The following EXOC6B variants were observed in gnomAD, a reference collection of about 807,000 sequenced individuals.
EXOC6B encodes exocyst complex component 6B, also known as SEC15 homolog B.
In EXOC6B, 54 loss-of-function variants were observed where a neutral mutation model predicts 113.5. That is an observed-to-expected ratio of 0.48 (90% CI 0.38 to 0.60). EXOC6B has a LOEUF of 0.60. Among genes scored for constraint, EXOC6B ranks in the 20% least tolerant of loss-of-function variants. The pLI is 0.00. For synonymous variants in EXOC6B, 357 were observed against 339.0 expected (o/e 1.05, Z -0.58); for missense variants, 797 against 977.5 (o/e 0.82, Z 2.46).
At chr2:72,739,567 GGTTTAGAAATTTT>G (rs1681176864) in intron 2 of EXOC6B, among the ~76,000 whole-genome samples, 1 of 151,340 alleles carries the variant, frequency 6.6e-6, no homozygotes, top group Non-Finnish European at 1.5e-5. Flanking sequence ...TTTTCTTTCT[GGTTTAGAAATTTT>G]GTTTAGAAAT....
chr2:72,698,131 G>A (rs996363682), intron 6 of EXOC6B, among the ~76,000 whole-genome samples: 1 of 152,124 alleles, frequency 6.6e-6, no homozygotes, highest in Non-Finnish European at 1.5e-5. Context: ...TGGAGTCACT[G>A]GAGAGGGGAA....
rs537268167 is a variant in EXOC6B at position 72,422,277 on chromosome 2, C to T, written c.1981-42407G>A. On this transcript the variant is annotated intron_variant, in intron 18 of 21. Transcript: ENST00000272427. ...CCAGTGCGGGATCCACTAGGGGAAG[C>T]CAGCTGGGCTCCTGAGTCTGGTGGG... Among the ~76,000 whole-genome samples, 4 of 152,348 alleles carry T rather than the reference C, an allele frequency of 2.6e-5. No individual in the cohort carries two copies. The South Asian group carries it at 8.3e-4, about 32-fold the overall frequency.
chr2:72,356,802 A>G (rs1172189444), intron 19 of EXOC6B, among the ~76,000 whole-genome samples: 2 of 152,138 alleles, frequency 1.3e-5, no homozygotes, highest in Non-Finnish European at 2.9e-5. Flanking sequence ...TCAGTCATCT[A>G]TGGTCAACCA....
chr2:72,467,770 T>A (rs2105431196), intron 17 of EXOC6B, among the ~76,000 whole-genome samples: 1 of 152,046 alleles, frequency 6.6e-6, no homozygotes, highest in African/African-American at 2.4e-5. Context: ...TGCCATTCTT[T>A]TTTATTTATT....
At chr2:72,744,691 T>C (rs1395246294) in intron 1 of EXOC6B, among the ~76,000 whole-genome samples, 1 of 152,202 alleles carries the variant, frequency 6.6e-6, no homozygotes, top group East Asian at 1.9e-4. Context: ...AATATACTTC[T>C]AAGTTAAATG....
chr2:72,294,161 A>G (rs1432512302), intron 20 of EXOC6B, among the ~76,000 whole-genome samples: 3 of 152,140 alleles, frequency 2.0e-5, no homozygotes, highest in Non-Finnish European at 4.4e-5. Context: ...CAACAGATAT[A>G]AAGTACAAGT....
At chr2:72,582,168 T>C (rs77807759) in intron 6 of EXOC6B, among the ~76,000 whole-genome samples, 3,204 of 152,044 alleles carry the variant, frequency 0.021, 104 homozygotes, top group African/African-American at 0.07. Context: ...AGGGGAAATA[T>C]ATATATATGG....
chr2:72,587,445 T>A (rs924497305), intron 6 of EXOC6B, among the ~76,000 whole-genome samples: 2 of 151,688 alleles, frequency 1.3e-5, no homozygotes, highest in Non-Finnish European at 2.9e-5. Context: ...AAGAAAAGGG[T>A]TGAAAAATTA....
rs1464575636 is a variant in EXOC6B, at chr2:72,401,561, A to G, written c.1981-21691T>C. ...TATATATATGTGTATATATATATAT[A>G]TATACATATATATATATATACATAT... On this transcript the variant is annotated intron_variant, in intron 18 of 21. Transcript: ENST00000272427. 1.1e-4 allele frequency among the ~76,000 whole-genome samples: 4 copies of G among 35,422 alleles called. 2 individuals are homozygous for G. The highest frequency in any genetic ancestry group is 6.3e-4 in the African/African-American group (2 of 3,178). 23.2% of individuals were successfully genotyped at this position (35,422 alleles called of 152,430 possible).
intron 8 of EXOC6B, among the ~76,000 whole-genome samples, chr2:72,539,785 G>A (rs565824217): frequency 5.8e-4 from 88 of 151,930 alleles, no homozygotes; most frequent in African/African-American, 2.0e-3. Flanking sequence ...CTGCATATAT[G>A]ACTAAATATA....
intron 1 of EXOC6B, 127 bp from the exon 2 acceptor site, chr2:72,741,596 C>T (rs967353617): frequency 4.3e-6 from 3 of 702,480 alleles, no homozygotes; most frequent in East Asian, 2.9e-5. Flanking sequence ...ATTAACATGC[C>T]TTATTGTTAA....
chr2:72,179,546 C>T, intron 21 of EXOC6B, 85 bp from the exon 22 acceptor site: 11 of 1,469,812 alleles, frequency 7.5e-6, no homozygotes, highest in Non-Finnish European at 9.4e-6. Context: ...GATGGCAATG[C>T]ATCTTAACCA....
intron 18 of EXOC6B, among the ~76,000 whole-genome samples, chr2:72,398,056 G>A (rs1692865091): frequency 6.6e-6 from 1 of 152,208 alleles, no homozygotes; most frequent in Non-Finnish European, 1.5e-5. Flanking sequence ...GGTCAAACAT[G>A]ATTCTATAAG....
At chr2:72,763,281 C>T (rs924755359) in intron 1 of EXOC6B, among the ~76,000 whole-genome samples, 7 of 152,058 alleles carry the variant, frequency 4.6e-5, no homozygotes, top group Non-Finnish European at 8.8e-5. Flanking sequence ...TTTCCCCCTT[C>T]CTGTATTTAG....
intron 20 of EXOC6B, among the ~76,000 whole-genome samples, chr2:72,261,733 T>C (rs1237413693): frequency 6.6e-6 from 1 of 152,214 alleles, no homozygotes; most frequent in Non-Finnish European, 1.5e-5. Context: ...TTTCATATAT[T>C]TGAAGGTGGA....
At chr2:72,459,517 C>G (rs956072254) in intron 18 of EXOC6B, among the ~76,000 whole-genome samples, 2 of 152,134 alleles carry the variant, frequency 1.3e-5, no homozygotes, top group African/African-American at 2.4e-5. Context: ...TCTCAGGATA[C>G]AAAATCAATG....
chr2:72,705,213 G>A (rs980017582), intron 6 of EXOC6B, among the ~76,000 whole-genome samples: 1 of 152,016 alleles, frequency 6.6e-6, no homozygotes, highest in African/African-American at 2.4e-5. Context: ...TATAAACAGA[G>A]CCAAAGACAA....
At chr2:72,547,185 C>T (rs1702956937) in intron 8 of EXOC6B, among the ~76,000 whole-genome samples, 1 of 152,180 alleles carries the variant, frequency 6.6e-6, no homozygotes, top group Non-Finnish European at 1.5e-5. Flanking sequence ...ATTCACTGCA[C>T]AATGATATTC....
rs142912913 is a variant in EXOC6B at position 72,770,558 on chromosome 2, A to G, written c.114-29089T>C. On this transcript the variant is annotated intron_variant, in intron 1 of 21. Coordinates refer to ENST00000272427, the MANE Select transcript of EXOC6B (RefSeq NM_015189.3). Reference sequence around the variant, plus strand: ...TGGTAAATATAAAGATTATTAATATATTAAGTCAATTCACATCAGGTTTTC... The same window carrying G: ...TGGTAAATATAAAGATTATTAATATGTTAAGTCAATTCACATCAGGTTTTC... Among the ~76,000 whole-genome samples the G allele has an allele frequency of 6.8e-3, 1,031 of 152,354 alleles. 15 individuals carry two copies. The highest frequency in any genetic ancestry group is 0.023 in the African/African-American group (963 of 41,584).
Sources: allele counts gnomAD v4.1 joint callset (sites outside exome capture counted in the v4.1 genomes callset), GRCh38; gene constraint gnomAD v4.1.1; transcripts MANE v1.5; gene names NCBI Gene and HGNC (gene_info 2026-07-23, HGNC 2026-07-21).